Variants in GRAMD2A observed in about 807,000 individuals in gnomAD.
GRAMD2A encodes GRAM domain containing 2A.
GRAMD2A carries 37 observed loss-of-function variants against 51.1 expected under a neutral mutation model. That is an observed-to-expected ratio of 0.72 (90% CI 0.56 to 0.95). GRAMD2A has a LOEUF of 0.95. GRAMD2A is among the 40% of genes least tolerant of loss of function. The pLI, the probability that GRAMD2A is intolerant of heterozygous loss-of-function variation, is 0.00. For missense variants in GRAMD2A, 414 were observed against 426.9 expected, an observed-to-expected ratio of 0.97 and a Z score of 0.27; for synonymous variants, 136 against 157.1, an observed-to-expected ratio of 0.87 and a Z score of 1.01.
At chr15:72,180,787 GC>G (rs1165403858) in intron 1 of GRAMD2A, among the ~76,000 whole-genome samples, 1 of 152,160 alleles carries the variant, frequency 6.6e-6, no homozygotes, top group Admixed American at 6.5e-5. Context: ...TCCTTTCTGG[GC>G]CTCAGTGACT....
chr15:72,169,898 G>GGACT lies in GRAMD2A; in HGVS notation c.79_82dup (p.Pro28GlnfsTer13). ...GTCTGGTTTCTCTTTGCAGGACACA[G>GGACT]GACTGTTCAGAGAAGCTGTCTTTCT... On this transcript the variant is annotated frameshift_variant, in exon 2 of 12. Coordinates refer to ENST00000309731, the MANE Select transcript of GRAMD2A (RefSeq NM_001012642.3). LOFTEE classifies it high-confidence loss of function. 6.2e-7 allele frequency: 1 copy of GGACT among 1,614,222 alleles called. No individual in the cohort carries two copies. Among genetic ancestry groups the GGACT allele is most frequent in the South Asian group, 1.1e-5 (1 of 91,088 alleles).
At chr15:72,169,056 A>C in intron 2 of GRAMD2A, 60 bp from the exon 3 acceptor site, 1 of 1,491,692 alleles carries the variant, frequency 6.7e-7, no homozygotes, top group Non-Finnish European at 9.3e-7. Context: ...ATGCATCCTC[A>C]GTGCCAATTC....
intron 3 of GRAMD2A, 92 bp from the exon 4 acceptor site, chr15:72,168,658 C>T (rs1490158028): frequency 2.9e-5 from 32 of 1,092,976 alleles, no homozygotes; most frequent in South Asian, 2.0e-4. Flanking sequence ...CACAGCCCCC[C>T]GGCCCATGCT....
In GRAMD2A at chr15:72,160,210, G is replaced by A. The variant is rs916250079; in HGVS notation, c.*1799C>T. On this transcript the variant is annotated 3_prime_UTR_variant, in exon 12 of 12. Coordinates refer to ENST00000309731, the MANE Select transcript of GRAMD2A (RefSeq NM_001012642.3). ...ACCTCTCATGGCCTCTGACAACCAA[G>A]CAAGGCTCAGAGAATGGATTTTTAT... 1.3e-4 allele frequency: 20 copies of A among 151,814 alleles called. No individual in the cohort carries two copies. Among genetic ancestry groups the A allele is most frequent in the Admixed American group, 1.3e-3 (19 of 15,198 alleles). 9.4% of individuals were successfully genotyped at this position (151,814 alleles called of 1,614,324 possible).
At chr15:72,172,122 G>A (rs942938095) in intron 1 of GRAMD2A, among the ~76,000 whole-genome samples, 1 of 149,216 alleles carries the variant, frequency 6.7e-6, no homozygotes, top group Admixed American at 6.7e-5. Context: ...CACCACGCCC[G>A]GCCTTTTTTT....
Position 72,163,887 on chromosome 15 carries a change from G to C in GRAMD2A, c.601-130C>G, listed in dbSNP as rs904433513. The C allele has an allele frequency of 5.3e-6, 5 of 946,940 alleles. No individual in the cohort carries two copies. In the African/African-American group the frequency reaches 8.4e-5, roughly 16 times the overall value. The allele number at this position is 946,940 out of a possible 1,614,324, so 58.7% of individuals were successfully genotyped here. ...TATAGATGCCTAGCCAGGGATGGAA[G>C]CAGGTACAAGCGAGGAGGGCAGTTG... is the stretch of plus-strand genomic sequence containing the variant. On this transcript the variant is annotated intron_variant, in intron 8 of 11. Transcript: ENST00000309731.
chr15:72,167,618 A>T, intron 5 of GRAMD2A, 118 bp downstream of exon 5: 1 of 794,072 alleles, frequency 1.3e-6, no homozygotes, highest in Non-Finnish European at 2.2e-6. Flanking sequence ...CCAACCAGCA[A>T]GGGGCTTCAC....
At chr15:72,163,166 C>A in intron 10 of GRAMD2A, 100 bp downstream of exon 10, 1 of 782,784 alleles carries the variant, frequency 1.3e-6, no homozygotes, top group African/African-American at 1.7e-5. Context: ...AGAAACTTCC[C>A]CCTGGTTCTG....
At chr15:72,165,978 C>T (rs867693654) in intron 7 of GRAMD2A, among the ~76,000 whole-genome samples, 1 of 152,056 alleles carries the variant, frequency 6.6e-6, no homozygotes, top group Non-Finnish European at 1.5e-5. Flanking sequence ...AAGTGATTCT[C>T]CTGCCTCATC....
Position 72,161,957 on chromosome 15 carries a change from CA to C in GRAMD2A, c.*51del. 1 of 1,604,188 alleles carries C rather than the reference CA, an allele frequency of 6.2e-7. No homozygotes were observed. Among genetic ancestry groups the C allele is most frequent in the Admixed American group, 1.7e-5 (1 of 60,010 alleles). On this transcript the variant is annotated 3_prime_UTR_variant, in exon 12 of 12. Coordinates refer to ENST00000309731, the MANE Select transcript of GRAMD2A (RefSeq NM_001012642.3). ...ACAGGGATCATTGGTGGAGACTTAG[CA>C]CCCAGAACATTCTTCTTGGAGAAGG...
At chr15:72,194,676 T>TTTA (rs1266136284) in intron 1 of GRAMD2A, among the ~76,000 whole-genome samples, 1 of 151,890 alleles carries the variant, frequency 6.6e-6, no homozygotes, top group East Asian at 1.9e-4. Flanking sequence ...ATATTTTTTC[T>TTTA]TTATTATTTA....
intron 1 of GRAMD2A, among the ~76,000 whole-genome samples, chr15:72,184,636 A>G (rs1833044275): frequency 6.6e-6 from 1 of 152,224 alleles, no homozygotes; most frequent in Admixed American, 6.5e-5. Context: ...CCGAGGGCTC[A>G]GATTCCTGAC....
intron 1 of GRAMD2A, among the ~76,000 whole-genome samples, chr15:72,186,559 G>A (rs1156575781): frequency 3.3e-5 from 5 of 152,122 alleles, no homozygotes; most frequent in African/African-American, 4.8e-5. Flanking sequence ...TCCTGACCTC[G>A]TGATCTGTCT....
In GRAMD2A at chr15:72,166,882, G is replaced by T; in HGVS notation, c.471+112C>A. On this transcript the variant is annotated intron_variant, in intron 6 of 11. Transcript: ENST00000309731. The surrounding 1 kb of genome is among the most constrained non-coding windows in gnomAD (Gnocchi z 4.1). ...TGTACGGCCTGAAATACCTACTGGA[G>T]AGCTGCAGGGTGGGGTGAAATAAAG... The T allele has an allele frequency of 1.0e-6, 1 of 954,442 alleles. No individual in the cohort carries two copies. Among genetic ancestry groups the T allele is most frequent in the Non-Finnish European group, 1.7e-6 (1 of 592,684 alleles). The allele number at this position is 954,442 out of a possible 1,614,324, so 59.1% of individuals were successfully genotyped here. A position where few individuals can be genotyped will look rare whatever the true frequency, so the allele number is the denominator to read the frequency against.
intron 2 of GRAMD2A, 22 bp from the exon 3 acceptor site, chr15:72,169,018 T>C: frequency 6.2e-7 from 1 of 1,612,762 alleles, no homozygotes; most frequent in Non-Finnish European, 8.5e-7. Context: ...ACATTCCATT[T>C]CGGGAACAAG....
chr15:72,197,654 C>T, intron 1 of GRAMD2A, 77 bp downstream of exon 1: 1 of 1,174,056 alleles, frequency 8.5e-7, no homozygotes, highest in Non-Finnish European at 1.1e-6. Context: ...CAGGAGCCGT[C>T]CTGCCCCGCG....
chr15:72,167,688 G>T, intron 5 of GRAMD2A, 48 bp downstream of exon 5: 2 of 1,408,898 alleles, frequency 1.4e-6, no homozygotes, highest in Non-Finnish European at 2.0e-6. Flanking sequence ...GGGGCAGGAG[G>T]CTGGCTCCCC....
intron 1 of GRAMD2A, among the ~76,000 whole-genome samples, chr15:72,172,497 AC>A (rs1420571151): frequency 6.8e-6 from 1 of 147,574 alleles, no homozygotes; most frequent in Non-Finnish European, 1.5e-5. Context: ...GCTCACTGCA[AC>A]CTCCGCCTCC....
intron 1 of GRAMD2A, among the ~76,000 whole-genome samples, chr15:72,188,916 T>C (rs1304764583): frequency 6.6e-6 from 1 of 152,200 alleles, no homozygotes; most frequent in Non-Finnish European, 1.5e-5. Flanking sequence ...ACTGTTGACC[T>C]CAGGTGATCT....
Sources: gnomAD v4.1 joint callset for allele counts (sites outside exome capture counted in the v4.1 genomes callset) on GRCh38, gnomAD v4.1.1 for gene constraint, Gnocchi (gnomAD v3.1) non-coding constraint, MANE v1.5 for transcripts, NCBI Gene and HGNC (gene_info 2026-07-23, HGNC 2026-07-21) for gene names.